HK1: variants seen among roughly 807,000 people sequenced by gnomAD.
HK1 encodes hexokinase-1.
A neutral mutation model predicts 91.6 loss-of-function variants in HK1; 28 were observed. That is an observed-to-expected ratio of 0.31 (90% CI 0.23 to 0.42). The LOEUF (loss-of-function observed/expected upper bound fraction) is 0.42, where lower values mean the gene tolerates loss of function less well. HK1 is among the 10% of genes least tolerant of loss of function. The probability of loss-of-function intolerance (pLI) is 1.00; values close to 1 mark genes in which losing one functional copy is unlikely to be tolerated. For missense variants in HK1, 770 were observed against 1,219.8 expected (o/e 0.63, Z 5.49); for synonymous variants, 430 against 468.1 (o/e 0.92, Z 1.05).
At chr10:69,319,254 G>A in intron 1 of HK1, 1 of 601,786 alleles carries the variant, frequency 1.7e-6, no homozygotes, top group East Asian at 2.8e-5. Flanking sequence ...GCTGCCTGCT[G>A]CAGTGTCCTT....
chr10:69,330,522 T>C (rs1203140653), intron 1 of HK1, among the ~76,000 whole-genome samples: 1 of 152,084 alleles, frequency 6.6e-6, no homozygotes, highest in Non-Finnish European at 1.5e-5. Flanking sequence ...ACCAGAACGG[T>C]GGTCCAGGGC....
chr10:69,285,220 G>T (rs1255205142), intron 2 of HK1, among the ~76,000 whole-genome samples: 4 of 152,026 alleles, frequency 2.6e-5, no homozygotes, highest in African/African-American at 9.7e-5. Context: ...GGATCGCAAG[G>T]TCAGGAGATC....
chr10:69,357,198 C>T (rs7076563), intron 2 of HK1, among the ~76,000 whole-genome samples: 61,994 of 151,898 alleles, frequency 0.41, 13,019 homozygotes, highest in South Asian at 0.54. Context: ...TATATATACC[C>T]AAGATAAATG....
At chr10:69,344,889 G>A (rs957463074) in intron 2 of HK1, among the ~76,000 whole-genome samples, 4 of 152,204 alleles carry the variant, frequency 2.6e-5, no homozygotes, top group African/African-American at 9.7e-5. Flanking sequence ...GCAGCAGAGG[G>A]AGGGAGAGCA....
intron 1 of HK1, among the ~76,000 whole-genome samples, chr10:69,281,888 T>G (rs576343026): frequency 1.4e-4 from 21 of 152,318 alleles, no homozygotes; most frequent in African/African-American, 4.8e-4. Flanking sequence ...CAGCTCTCTC[T>G]GGTGCCAACC....
chr10:69,283,472 T>TAAAA (rs1340715992), intron 2 of HK1, among the ~76,000 whole-genome samples: 2 of 144,406 alleles, frequency 1.4e-5, no homozygotes, highest in African/African-American at 5.1e-5. Context: ...ATAATAATAA[T>TAAAA]ATAAATAAAA....
intron 3 of HK1, among the ~76,000 whole-genome samples, chr10:69,364,400 G>A (rs540606743): frequency 2.6e-5 from 4 of 152,272 alleles, no homozygotes; most frequent in South Asian, 2.1e-4. Context: ...CGGGCGGGGC[G>A]GGAAGGCCAC....
intron 4 of HK1, 143 bp from the exon 5 acceptor site, chr10:69,368,393 C>A: frequency 1.4e-6 from 1 of 716,518 alleles, no homozygotes; most frequent in Non-Finnish European, 2.5e-6. Flanking sequence ...GTCTGGGCCC[C>A]TCCCCAAGCC....
intron 1 of HK1, among the ~76,000 whole-genome samples, chr10:69,325,349 C>T (rs571541050): frequency 6.7e-6 from 1 of 149,872 alleles, no homozygotes; most frequent in African/African-American, 2.5e-5. Flanking sequence ...CCACACCCGG[C>T]CATGTATTTT....
chr10:69,368,091 A>G (rs1849795900), intron 4 of HK1, among the ~76,000 whole-genome samples: 1 of 152,212 alleles, frequency 6.6e-6, no homozygotes. Context: ...GAATTATCTT[A>G]GCATTTTGTT....
At chr10:69,338,815 AAGG>A (rs1440814125) in intron 1 of HK1, 4 of 757,922 alleles carry the variant, frequency 5.3e-6, no homozygotes, top group Non-Finnish European at 7.3e-6. Context: ...GGGGAAAAGG[AAGG>A]AGGAGAGTAA....
rs57870614 is a variant in HK1, at chr10:69,393,310, C to CTT, written c.2219+1011_2219+1012dup. ...TAGTCTTTTTCTTTTCTTTTCTTTTCTTTTTTTTTTGAGACAGAGTCTCAC... is the reference window on the plus strand; with the variant it reads ...TAGTCTTTTTCTTTTCTTTTCTTTTCTTTTTTTTTTTTGAGACAGAGTCTCAC... On this transcript the variant is annotated intron_variant, in intron 15 of 17. Transcript: ENST00000359426. Among the ~76,000 whole-genome samples, 17 of 143,740 alleles carry CTT rather than the reference C, an allele frequency of 1.2e-4. No homozygotes were observed. In the East Asian group the frequency reaches 2.3e-3, roughly 19 times the overall value. The allele number at this position is 143,740 out of a possible 152,430, so 94.3% of individuals were successfully genotyped here.
intron 3 of HK1, among the ~76,000 whole-genome samples, chr10:69,361,571 A>G (rs918912125): frequency 6.6e-6 from 1 of 152,154 alleles, no homozygotes; most frequent in Non-Finnish European, 1.5e-5. Context: ...GTGTTTTACA[A>G]ACATTCCCTG....
intron 2 of HK1, among the ~76,000 whole-genome samples, chr10:69,287,853 A>G (rs1007414179): frequency 2.6e-4 from 40 of 152,192 alleles, no homozygotes; most frequent in African/African-American, 9.7e-4. Flanking sequence ...AAAAGTCGTA[A>G]GTAGACTGAA....
chr10:69,365,409 A>G (rs1849650381), intron 4 of HK1, among the ~76,000 whole-genome samples: 1 of 152,070 alleles, frequency 6.6e-6, no homozygotes, highest in South Asian at 2.1e-4. Context: ...TTTGTCATCT[A>G]TTTGTTTTTT....
At chr10:69,387,467 G>T (rs1425495291) in intron 13 of HK1, among the ~76,000 whole-genome samples, 1 of 151,976 alleles carries the variant, frequency 6.6e-6, no homozygotes, top group African/African-American at 2.4e-5. Context: ...TTGTGTTTTT[G>T]GTAAAGATGG....
chr10:69,379,793 T>A, intron 8 of HK1, 69 bp from the exon 9 acceptor site: 1 of 1,126,926 alleles, frequency 8.9e-7, no homozygotes, highest in Non-Finnish European at 1.4e-6. Context: ...TCCAGCACCT[T>A]TGAGCCTCAG....
chr10:69,305,904 G>GA (rs1846081534), intron 5 of HK1, among the ~76,000 whole-genome samples: 2 of 149,328 alleles, frequency 1.3e-5, no homozygotes, highest in African/African-American at 4.9e-5. Context: ...ATAAGAAAAA[G>GA]AAAAAAAGAA....
rs12571072 is a variant in HK1 at position 69,375,856 on chromosome 10, G to A, written c.876-1078G>A. 6.0e-4 allele frequency among the ~76,000 whole-genome samples: 92 copies of A among 152,294 alleles called. 2 individuals are homozygous for A. The East Asian group carries it at 0.014, about 22-fold the overall frequency. ...CTCCCGGCTGGGCCTTCAGCAATGC[G>A]TGTTGGCTTCTATCTCTACACCTGG... On this transcript the variant is annotated intron_variant, in intron 7 of 17. Coordinates refer to ENST00000359426, the MANE Select transcript of HK1 (RefSeq NM_000188.3).
Sources: gnomAD v4.1 joint callset for allele counts (sites outside exome capture counted in the v4.1 genomes callset) on GRCh38, gnomAD v4.1.1 for gene constraint, MANE v1.5 for transcripts, NCBI Gene and HGNC (gene_info 2026-07-23, HGNC 2026-07-21) for gene names.